GGA2: variants seen among roughly 807,000 people sequenced by gnomAD.
GGA2 encodes the protein ADP-ribosylation factor-binding protein GGA2.
GGA2 carries 48 observed loss-of-function variants against 79.5 expected under a neutral mutation model. That is an observed-to-expected ratio of 0.60 (90% CI 0.48 to 0.77). The LOEUF (loss-of-function observed/expected upper bound fraction) is 0.77. GGA2 is among the 30% of genes least tolerant of loss of function. The pLI is 0.00. For missense variants in GGA2, 770 were observed against 774.0 expected, an observed-to-expected ratio of 0.99 and a Z score of 0.06; for synonymous variants, 317 against 302.0, an observed-to-expected ratio of 1.05 and a Z score of -0.51.
intron 9 of GGA2, among the ~76,000 whole-genome samples, chr16:23,481,686 T>C (rs1231023615): frequency 6.6e-6 from 1 of 151,932 alleles, no homozygotes; most frequent in Admixed American, 6.6e-5. Flanking sequence ...GGCATGAGAA[T>C]CGCTTGAACA....
chr16:23,494,435 T>G (rs1313836220), intron 2 of GGA2, 57 bp from the exon 3 acceptor site: 1 of 1,053,210 alleles, frequency 9.5e-7, no homozygotes, highest in African/African-American at 1.6e-5. Flanking sequence ...CTAACCCGAG[T>G]GGCTGAGCAT....
At chr16:23,469,929 T>C in intron 15 of GGA2, 67 bp downstream of exon 15, 2 of 1,194,002 alleles carry the variant, frequency 1.7e-6, no homozygotes. Flanking sequence ...GACAGGTAAG[T>C]CCCAGAAAAG....
At chr16:23,499,313 T>A (rs567339406) in intron 1 of GGA2, among the ~76,000 whole-genome samples, 1 of 152,082 alleles carries the variant, frequency 6.6e-6, no homozygotes, top group East Asian at 1.9e-4. Context: ...ACTGGCTAAT[T>A]TTTTGTATTT....
Position 23,468,866 on chromosome 16 carries a change from CCA to C in GGA2, c.1731+18_1731+19del. The C allele has an allele frequency of 4.7e-6, 7 of 1,489,440 alleles. No homozygotes were observed. The highest frequency in any genetic ancestry group is 6.6e-6 in the Non-Finnish European group (7 of 1,066,546). 92.3% of individuals were successfully genotyped at this position (1,489,440 alleles called of 1,614,324 possible). On this transcript the variant is annotated intron_variant, in intron 16 of 16. Coordinates refer to ENST00000309859, the MANE Select transcript of GGA2 (RefSeq NM_015044.4). ...TTCAGGGGCCCCCATCTCCCTGCTA[CCA>C]CAGACACTGGAACATACTTTGTGTG...
chr16:23,519,555 A>C (rs1597002010), intron 2 of GGA2: 1 of 392,954 alleles, frequency 2.5e-6, no homozygotes, highest in Non-Finnish European at 5.1e-6. Flanking sequence ...TGGTTATTTA[A>C]TTGGTGATGT....
intron 1 of GGA2, among the ~76,000 whole-genome samples, chr16:23,497,954 C>T (rs1023427486): frequency 1.3e-5 from 2 of 152,094 alleles, no homozygotes; most frequent in East Asian, 1.9e-4. Context: ...AGCAACATAA[C>T]GAGACCCAAT....
Position 23,474,983 on chromosome 16 carries a change from A to G in GGA2, c.1371T>C (p.Ala457=), listed in dbSNP as rs763403713. The stretch of plus-strand genomic sequence containing the variant: ...AAGATGGGGAAGGAGCCAACGGGCC[A>G]GCCTCCCAGGACCAACCTGGAGAGG... ...TKSSPGWSWE[A]GPLAPSPSSQ... Residue 457 remains alanine (A), a synonymous_variant, in exon 14 of 17, where the codon GCT becomes GCC. Coordinates refer to ENST00000309859, the MANE Select transcript of GGA2 (RefSeq NM_015044.4). 41 of 1,611,566 alleles carry G rather than the reference A, an allele frequency of 2.5e-5. No homozygotes were observed. Among genetic ancestry groups the G allele is most frequent in the Non-Finnish European group, 3.5e-5 (41 of 1,177,814 alleles).
intron 2 of GGA2, among the ~76,000 whole-genome samples, chr16:23,519,136 G>A (rs1011124479): frequency 6.7e-6 from 1 of 150,126 alleles, no homozygotes; most frequent in African/African-American, 2.5e-5. Flanking sequence ...CCACCTCCCT[G>A]GGCTCAGGTG....
Position 23,474,999 on chromosome 16 carries a change from C to G in GGA2, c.1355G>C (p.Gly452Ala). Residue 452 changes from glycine to alanine, a missense_variant, in exon 14 of 17, where the codon GGT becomes GCT. Physicochemically the swap from Gly to Ala is moderately conservative, Grantham distance 60 (BLOSUM62 0). Coordinates refer to ENST00000309859, the MANE Select transcript of GGA2 (RefSeq NM_015044.4). ...EVPPGTKSSP[G>A]WSWEAGPLAP... ...CAACGGGCCAGCCTCCCAGGACCAA[C>G]CTGGAGAGGACTTAGTACCTGGTGG... The G allele has an allele frequency of 3.1e-6, 5 of 1,609,890 alleles. No individual in the cohort carries two copies. Among genetic ancestry groups the G allele is most frequent in the Non-Finnish European group, 4.3e-6 (5 of 1,176,388 alleles).
chr16:23,470,747 T>TCAAACAAA (rs34615748), intron 14 of GGA2, among the ~76,000 whole-genome samples: 13,873 of 146,786 alleles, frequency 0.095, 1,257 homozygotes, highest in African/African-American at 0.23. Context: ...AGACTCTGTC[T>TCAAACAAA]CAAACAAACA....
chr16:23,473,330 C>CTTTTTTTTT lies in GGA2; in HGVS notation c.1450+1565_1450+1573dup, dbSNP rs34972165. On this transcript the variant is annotated intron_variant, in intron 14 of 16. Coordinates refer to ENST00000309859, the MANE Select transcript of GGA2 (RefSeq NM_015044.4). ...GTATAGATGATTTTACTTTTCTAGT[C>CTTTTTTTTT]TTTTTTTTTTTTTTTTTTTTTTTTT... Among the ~76,000 whole-genome samples, 27 of 70,690 alleles carry CTTTTTTTTT rather than the reference C, an allele frequency of 3.8e-4. 7 individuals carry two copies. Among genetic ancestry groups the CTTTTTTTTT allele is most frequent in the Non-Finnish European group, 5.8e-4 (24 of 41,516 alleles). The allele number at this position is 70,690 out of a possible 152,430, so 46.4% of individuals were successfully genotyped here. A position where few individuals can be genotyped will look rare whatever the true frequency, so the allele number is the denominator to read the frequency against.
At chr16:23,486,920 T>C in intron 6 of GGA2, 130 bp from the exon 7 acceptor site, 3 of 712,476 alleles carry the variant, frequency 4.2e-6, no homozygotes, top group African/African-American at 1.7e-5. Flanking sequence ...CACCAAATGG[T>C]CCAAGGACAC....
chr16:23,487,059 G>A (rs988748923), intron 6 of GGA2, among the ~76,000 whole-genome samples: 6 of 143,526 alleles, frequency 4.2e-5, no homozygotes, highest in Non-Finnish European at 9.0e-5. Flanking sequence ...TCGACTCACT[G>A]CAACCTCTGC....
chr16:23,488,699 T>C lies in GGA2; in HGVS notation c.486A>G (p.Lys162=). 9.5e-6 allele frequency: 15 copies of C among 1,579,262 alleles called. No individual in the cohort carries two copies. Among genetic ancestry groups the C allele is most frequent in the Non-Finnish European group, 1.3e-5 (15 of 1,149,166 alleles). ...YQMLKKQGII[K]QDPKLPVDKI... is the part of the protein sequence containing the mutation. ...TATCCACTGGTAGTTTAGGGTCTTG[T>C]TTTATAATTCCTAAAAATGCAATTT... Residue 162 remains lysine, a synonymous_variant, in exon 6 of 17, where the codon AAA becomes AAG. Coordinates refer to ENST00000309859, the MANE Select transcript of GGA2 (RefSeq NM_015044.4).
At chr16:23,509,716 C>G (rs1335430753) in intron 1 of GGA2, among the ~76,000 whole-genome samples, 1 of 150,424 alleles carries the variant, frequency 6.6e-6, no homozygotes. Flanking sequence ...ATAATGAGAC[C>G]CCGTCTCTTA....
rs117714554 is a variant in GGA2 at position 23,488,448 on chromosome 16, G to A, written c.579+158C>T. ...ATTAGTTGACTTATCCATGAAGAAC[G>A]CACCCAAACCTTCTGCTACCTCACT... On this transcript the variant is annotated intron_variant, in intron 6 of 16. Coordinates refer to ENST00000309859, the MANE Select transcript of GGA2 (RefSeq NM_015044.4). 6.7e-3 allele frequency among the ~76,000 whole-genome samples: 1,021 copies of A among 152,170 alleles called. 4 individuals carry two copies. Among genetic ancestry groups the A allele is most frequent in the Non-Finnish European group, 0.011 (772 of 68,008 alleles).
chr16:23,486,463 G>C (rs1596985411), intron 7 of GGA2, among the ~76,000 whole-genome samples: 1 of 152,166 alleles, frequency 6.6e-6, no homozygotes, highest in South Asian at 2.1e-4. Context: ...ACCCAAGCTG[G>C]TGTCTAGGAA....
In GGA2 at chr16:23,488,722, T is replaced by C; in HGVS notation, c.476-13A>G. 1 of 1,442,862 alleles carries C rather than the reference T, an allele frequency of 6.9e-7. No individual in the cohort carries two copies. Among genetic ancestry groups the C allele is most frequent in the East Asian group, 2.3e-5 (1 of 44,052 alleles). The allele number at this position is 1,442,862 out of a possible 1,614,324, so 89.4% of individuals were successfully genotyped here. A position where few individuals can be genotyped will look rare whatever the true frequency, so the allele number is the denominator to read the frequency against. On this transcript the variant is annotated splice_polypyrimidine_tract_variant and intron_variant, in intron 5 of 16. Transcript: ENST00000309859. ...TGTTTTATAATTCCTAAAAATGCAA[T>C]TTACAAAGTTAAGACACCGATATGG...
At chr16:23,502,124 G>C (rs1255087952) in intron 1 of GGA2, among the ~76,000 whole-genome samples, 2 of 152,302 alleles carry the variant, frequency 1.3e-5, no homozygotes, top group East Asian at 3.9e-4. Context: ...ATGGTTCTCT[G>C]CCCACTGAGG....
Sources: gnomAD v4.1 joint callset for allele counts (sites outside exome capture counted in the v4.1 genomes callset) on GRCh38, gnomAD v4.1.1 for gene constraint, MANE v1.5 for transcripts, NCBI Gene and HGNC (gene_info 2026-07-23, HGNC 2026-07-21) for gene names.